Variants in KATNAL2 observed in about 807,000 individuals in gnomAD.
The protein encoded by KATNAL2 is katanin p60 ATPase-containing subunit A-like 2.
KATNAL2 carries 52 observed loss-of-function variants against 76.3 expected under a neutral mutation model. That is an observed-to-expected ratio of 0.68 (90% CI 0.55 to 0.86). The LOEUF (loss-of-function observed/expected upper bound fraction) is 0.86, where lower values mean the gene tolerates loss of function less well. Among genes scored for constraint, KATNAL2 ranks in the 40% least tolerant of loss-of-function variants. The pLI is 0.00. For synonymous variants in KATNAL2, 243 were observed against 244.2 expected, an observed-to-expected ratio of 1.00 and a Z score of 0.05; for missense variants, 660 against 668.9, an observed-to-expected ratio of 0.99 and a Z score of 0.15.
intron 3 of KATNAL2, chr18:46,963,583 C>CCAA: frequency 9.3e-7 from 1 of 1,072,434 alleles, no homozygotes; most frequent in Non-Finnish European, 1.3e-6. Context: ...TGCATCCAGG[C>CCAA]CTCTGAGGGG....
At chr18:46,954,428 T>C (rs567899736) in intron 3 of KATNAL2, among the ~76,000 whole-genome samples, 13 of 151,196 alleles carry the variant, frequency 8.6e-5, no homozygotes, top group African/African-American at 2.9e-4. Context: ...CCTCCCATGT[T>C]CAAGCGATTC....
At chr18:46,967,478 G>GGTGTGT (rs71906626) in intron 3 of KATNAL2, among the ~76,000 whole-genome samples, 20 of 108,048 alleles carry the variant, frequency 1.9e-4, no homozygotes, top group African/African-American at 6.6e-4. Flanking sequence ...TTTACTTAAT[G>GGTGTGT]GTGTGTGTGT....
At chr18:47,091,363 G>A (rs2062991852) in intron 15 of KATNAL2, 1 of 152,218 alleles carries the variant, frequency 6.6e-6, no homozygotes, top group Non-Finnish European at 1.5e-5. Flanking sequence ...CACACTTGCT[G>A]GTAGTTTTGC....
At chr18:47,080,960 C>A (rs1037755077) in intron 15 of KATNAL2, among the ~76,000 whole-genome samples, 4 of 151,768 alleles carry the variant, frequency 2.6e-5, no homozygotes, top group South Asian at 2.1e-4. Flanking sequence ...TAAATAATTT[C>A]TCCCATTCTG....
At chr18:47,100,440 T>G (rs571583483) in intron 17 of KATNAL2, 84 bp downstream of exon 17, 1 of 1,095,928 alleles carries the variant, frequency 9.1e-7, no homozygotes, top group East Asian at 2.5e-5. Context: ...GCGCCTGTTC[T>G]TGGTGCCGCT....
intron 3 of KATNAL2, among the ~76,000 whole-genome samples, chr18:46,960,682 A>T: frequency 6.6e-6 from 1 of 152,216 alleles, no homozygotes; most frequent in East Asian, 1.9e-4. Flanking sequence ...ATCTTGTGGG[A>T]CAGAAGAGCA....
At chr18:47,061,482 A>G (rs2061630172) in intron 8 of KATNAL2, among the ~76,000 whole-genome samples, 2 of 152,152 alleles carry the variant, frequency 1.3e-5, no homozygotes, top group Non-Finnish European at 2.9e-5. Context: ...TTCCTCCCCA[A>G]TGACCCAAAC....
At chr18:46,951,872 G>A (rs1248352245) in intron 3 of KATNAL2, among the ~76,000 whole-genome samples, 2 of 152,096 alleles carry the variant, frequency 1.3e-5, no homozygotes, top group African/African-American at 2.4e-5. Flanking sequence ...CCGGGTTCAA[G>A]CTATTATTCC....
chr18:46,946,554 G>A lies in KATNAL2; in HGVS notation c.-20+8G>A, dbSNP rs895382551. Reference sequence around the variant, plus strand: ...TCAAGGACAAATATTATGGTACATGGCCCTGGGTCAGCTTGTATTTTAGAA... The same window carrying A: ...TCAAGGACAAATATTATGGTACATGACCCTGGGTCAGCTTGTATTTTAGAA... On this transcript the variant is annotated splice_region_variant and intron_variant, in intron 2 of 17. Coordinates refer to ENST00000683218, the MANE Select transcript of KATNAL2 (RefSeq NM_001387690.1). 5 of 985,328 alleles carry A rather than the reference G, an allele frequency of 5.1e-6. No individual in the cohort carries two copies. The African/African-American group carries it at 7.0e-5, about 14-fold the overall frequency. 61.0% of individuals were successfully genotyped at this position (985,328 alleles called of 1,614,324 possible).
intron 8 of KATNAL2, 27 bp from the exon 9 acceptor site, chr18:47,062,945 G>A: frequency 1.3e-6 from 2 of 1,555,010 alleles, no homozygotes; most frequent in Non-Finnish European, 1.8e-6. Flanking sequence ...TGTTCTCATG[G>A]CATAAATAAC....
intron 15 of KATNAL2, 76 bp from the exon 16 acceptor site, chr18:47,099,167 T>C: frequency 6.9e-7 from 1 of 1,449,668 alleles, no homozygotes; most frequent in Middle Eastern, 1.8e-4. Context: ...CAATGCTAAA[T>C]TGTTCTTAAA....
intron 3 of KATNAL2, among the ~76,000 whole-genome samples, chr18:47,042,458 G>A (rs1447173745): frequency 6.6e-6 from 1 of 152,074 alleles, no homozygotes; most frequent in South Asian, 2.1e-4. Flanking sequence ...TATAAAATAG[G>A]TTACTGTTTT....
At chr18:47,047,464 C>G (rs937586239) in intron 4 of KATNAL2, among the ~76,000 whole-genome samples, 2 of 152,028 alleles carry the variant, frequency 1.3e-5, no homozygotes, top group African/African-American at 2.4e-5. Flanking sequence ...CTAAACCCAA[C>G]TCTCTTCTTC....
intron 1 of KATNAL2, among the ~76,000 whole-genome samples, chr18:46,931,739 G>GA (rs2058930103): frequency 6.6e-6 from 1 of 151,124 alleles, no homozygotes; most frequent in Non-Finnish European, 1.5e-5. Context: ...GAGAGAGGGA[G>GA]AGGGGGAGGG....
chr18:47,053,339 C>G (rs1199751642), intron 5 of KATNAL2, among the ~76,000 whole-genome samples: 3 of 152,138 alleles, frequency 2.0e-5, no homozygotes, highest in Non-Finnish European at 4.4e-5. Flanking sequence ...CTTTAATTTC[C>G]TTAGAGATGA....
At chr18:47,076,175 CAATT>C (rs1330438164) in intron 14 of KATNAL2, 5 of 152,092 alleles carry the variant, frequency 3.3e-5, no homozygotes, top group South Asian at 4.1e-4. Flanking sequence ...TAATAAAACA[CAATT>C]AATTAGCTTG....
In KATNAL2 at chr18:47,073,081, G is replaced by T. The variant is rs113387981; in HGVS notation, c.1009-2196G>T. Among the ~76,000 whole-genome samples the T allele has an allele frequency of 3.7e-3, 568 of 152,220 alleles. 6 individuals carry two copies. The highest frequency in any genetic ancestry group is 0.013 in the African/African-American group (546 of 41,530). ...AGGGAACAGACATCACCGATTGCCA[G>T]ATTACTTGCCAACAGGGTTGTACTC... On this transcript the variant is annotated intron_variant, in intron 13 of 17. Transcript: ENST00000683218.
chr18:47,065,030 T>C (rs867031324), intron 10 of KATNAL2, among the ~76,000 whole-genome samples: 4 of 152,172 alleles, frequency 2.6e-5, no homozygotes, highest in Non-Finnish European at 2.9e-5. Flanking sequence ...AGGACGGTAA[T>C]AAGAATGTGA....
At chr18:46,960,331 C>T (rs780977503) in intron 3 of KATNAL2, among the ~76,000 whole-genome samples, 2 of 151,394 alleles carry the variant, frequency 1.3e-5, no homozygotes, top group African/African-American at 2.4e-5. Flanking sequence ...GCCAGCTACT[C>T]GGGAGGCTAA....
Sources: gnomAD v4.1 joint callset for allele counts (sites outside exome capture counted in the v4.1 genomes callset) on GRCh38, gnomAD v4.1.1 for gene constraint, MANE v1.5 for transcripts, NCBI Gene and HGNC (gene_info 2026-07-23, HGNC 2026-07-21) for gene names.